The following SORCS2 variants were observed in gnomAD, a reference collection of about 807,000 sequenced individuals.
SORCS2 encodes the protein VPS10 domain-containing receptor SorCS2.
Under a neutral mutation model 141.6 loss-of-function variants are expected in SORCS2, and 100 were observed. That is an observed-to-expected ratio of 0.71 (90% CI 0.60 to 0.83). SORCS2 has a LOEUF of 0.83. Among genes scored for constraint, SORCS2 ranks in the 40% least tolerant of loss-of-function variants. The pLI is 0.00. For synonymous variants in SORCS2, 789 were observed against 676.9 expected (o/e 1.17, Z -2.57); for missense variants, 1,646 against 1,560.2 (o/e 1.05, Z -0.93).
intron 2 of SORCS2, among the ~76,000 whole-genome samples, chr4:7,473,622 C>T (rs545767470): frequency 6.6e-6 from 1 of 152,258 alleles, no homozygotes; most frequent in African/African-American, 2.4e-5. Context: ...CACAAAGGGC[C>T]CCGAATGCCA....
chr4:7,295,746 G>A (rs1717006186), intron 1 of SORCS2, among the ~76,000 whole-genome samples: 1 of 152,220 alleles, frequency 6.6e-6, no homozygotes, highest in African/African-American at 2.4e-5. Flanking sequence ...CATTGGATAT[G>A]GCACCCACCA....
intron 3 of SORCS2, among the ~76,000 whole-genome samples, chr4:7,571,657 G>C (rs920114101): frequency 6.6e-6 from 1 of 152,068 alleles, no homozygotes; most frequent in Non-Finnish European, 1.5e-5. Flanking sequence ...GCAGGGACTG[G>C]GGCCGAGAGG....
intron 2 of SORCS2, among the ~76,000 whole-genome samples, chr4:7,463,099 G>C (rs1339823912): frequency 6.6e-6 from 1 of 152,014 alleles, no homozygotes. Flanking sequence ...GTACAGGTGA[G>C]GAAACTGAGT....
At chr4:7,510,639 T>C in intron 2 of SORCS2, among the ~76,000 whole-genome samples, 1 of 145,550 alleles carries the variant, frequency 6.9e-6, no homozygotes. Flanking sequence ...GGCCGGCGCC[T>C]TGTTCTGGGT....
intron 1 of SORCS2, among the ~76,000 whole-genome samples, chr4:7,247,694 C>T (rs995866364): frequency 3.9e-5 from 6 of 152,180 alleles, no homozygotes; most frequent in African/African-American, 1.2e-4. Context: ...AGGTGGGCAG[C>T]GGGGCGCGGC....
At chr4:7,634,389 C>T (rs1258811941) in intron 3 of SORCS2, among the ~76,000 whole-genome samples, 3 of 150,852 alleles carry the variant, frequency 2.0e-5, no homozygotes, top group African/African-American at 7.3e-5. Flanking sequence ...AAAAAAAGAA[C>T]CTAGGGAGGG....
intron 3 of SORCS2, among the ~76,000 whole-genome samples, chr4:7,605,762 A>G (rs1337343681): frequency 6.6e-6 from 1 of 151,700 alleles, no homozygotes; most frequent in Non-Finnish European, 1.5e-5. Flanking sequence ...CATTCATCAC[A>G]TACCTGTGGC....
At chr4:7,666,172 C>T (rs1422551943) in intron 7 of SORCS2, among the ~76,000 whole-genome samples, 1 of 152,068 alleles carries the variant, frequency 6.6e-6, no homozygotes, top group Non-Finnish European at 1.5e-5. Context: ...AAAGCAGCAG[C>T]CCTTGCTCAT....
chr4:7,641,411 A>C (rs1213223829), intron 4 of SORCS2, among the ~76,000 whole-genome samples: 1 of 152,162 alleles, frequency 6.6e-6, no homozygotes, highest in African/African-American at 2.4e-5. Flanking sequence ...ACTCATTATC[A>C]CACAAGAACA....
Position 7,437,735 on chromosome 4 carries a change from C to T in SORCS2, c.548+41380C>T, listed in dbSNP as rs137890979. On this transcript the variant is annotated intron_variant, in intron 2 of 26. Transcript: ENST00000507866. ...AAACACTTTTTTTTTTATCCCATGG[C>T]GGGGATGATGTTGGATTACTTAAAG... 7.9e-5 allele frequency among the ~76,000 whole-genome samples: 12 copies of T among 151,930 alleles called. No individual in the cohort carries two copies. In the East Asian group the frequency reaches 1.9e-3, roughly 25 times the overall value.
chr4:7,661,513 G>A lies in SORCS2; in HGVS notation c.901G>A (p.Val301Met), dbSNP rs1019030900. ...KDHVFWSVSGVDADPDLVHVE... is the reference protein window; with the variant it reads ...KDHVFWSVSGMDADPDLVHVE... ...CTTCTTTTCCAGGTCTGTGTCTGGG[G>A]TGGACGCTGACCCTGACTTGGTCCA... The change falls in exon 6 of 27, where the codon GTG (valine) becomes ATG (methionine). Residue 301 changes from valine to methionine, a missense_variant. Transcript: ENST00000507866. 1 of 1,551,726 alleles carries A rather than the reference G, an allele frequency of 6.4e-7. No individual in the cohort carries two copies. The highest frequency in any genetic ancestry group is 8.7e-7 in the Non-Finnish European group (1 of 1,147,028).
chr4:7,285,372 A>C (rs1463770440), intron 1 of SORCS2, among the ~76,000 whole-genome samples: 4 of 152,336 alleles, frequency 2.6e-5, no homozygotes, highest in South Asian at 4.1e-4. Flanking sequence ...ACAGCTTCAA[A>C]GATGCTGCTT....
intron 18 of SORCS2, among the ~76,000 whole-genome samples, chr4:7,723,181 T>C (rs1356671249): frequency 6.6e-6 from 1 of 152,168 alleles, no homozygotes; most frequent in Non-Finnish European, 1.5e-5. Flanking sequence ...GCGTCACTCC[T>C]GGTACCGCAT....
At chr4:7,260,781 C>T (rs1714266041) in intron 1 of SORCS2, among the ~76,000 whole-genome samples, 1 of 152,176 alleles carries the variant, frequency 6.6e-6, no homozygotes, top group Admixed American at 6.5e-5. Context: ...CCTTGAAGGC[C>T]CACTAGCGCT....
rs1716498128 is a variant in SORCS2 at position 7,585,774 on chromosome 4, G to A, written c.649-52554G>A. Among the ~76,000 whole-genome samples the A allele has an allele frequency of 3.9e-5, 6 of 152,210 alleles. No individual in the cohort carries two copies. In the South Asian group the frequency reaches 6.2e-4, roughly 16 times the overall value. ...ATCTCCAAGGACTGTTTGGGAGGAC[G>A]CATGTGGGGGAGCAGCCTTGCCCCT... On this transcript the variant is annotated intron_variant, in intron 3 of 26. Coordinates refer to ENST00000507866, the MANE Select transcript of SORCS2 (RefSeq NM_020777.3).
chr4:7,316,131 A>G (rs948369557), intron 1 of SORCS2, among the ~76,000 whole-genome samples: 8 of 149,638 alleles, frequency 5.3e-5, no homozygotes, highest in Admixed American at 1.3e-4. Flanking sequence ...CCATCCATTT[A>G]TCTATTCATC....
chr4:7,577,081 C>T (rs569440747), intron 3 of SORCS2, among the ~76,000 whole-genome samples: 1 of 152,288 alleles, frequency 6.6e-6, no homozygotes, highest in Non-Finnish European at 1.5e-5. Flanking sequence ...ACAGTCCTGT[C>T]AGAGTTGAGT....
chr4:7,715,218 C>G lies in SORCS2; in HGVS notation c.2159C>G (p.Ser720Cys). 6.2e-7 allele frequency: 1 copy of G among 1,613,986 alleles called. No individual in the cohort carries two copies. Among genetic ancestry groups the G allele is most frequent in the Non-Finnish European group, 8.5e-7 (1 of 1,179,864 alleles). Reference sequence around the variant, plus strand: ...TTTGAGCGCTCCTCCTCCTCAGAGTCCAGCACCAACAAGTGCTCTGCCAAC... The same window carrying G: ...TTTGAGCGCTCCTCCTCCTCAGAGTGCAGCACCAACAAGTGCTCTGCCAAC... ...YGFERSSSSE[S>C]STNKCSANFW... The change falls in exon 17 of 27, where the codon TCC (serine) becomes TGC (cysteine). Residue 720 changes from serine to cysteine, a missense_variant. By Grantham distance (112) the Ser-to-Cys change is moderately radical. Transcript: ENST00000507866.
intron 2 of SORCS2, among the ~76,000 whole-genome samples, chr4:7,502,780 C>A (rs903175815): frequency 8.2e-6 from 1 of 121,286 alleles, no homozygotes; most frequent in Non-Finnish European, 1.8e-5. Context: ...GACCACTGTG[C>A]GGGGAGCAGG....
Sources: gnomAD v4.1 joint callset for allele counts (sites outside exome capture counted in the v4.1 genomes callset) on GRCh38, gnomAD v4.1.1 for gene constraint, MANE v1.5 for transcripts, NCBI Gene and HGNC (gene_info 2026-07-23, HGNC 2026-07-21) for gene names.